EXOC3: variants seen among roughly 807,000 people sequenced by gnomAD.
EXOC3 encodes the protein SEC6-like 1.
Under a neutral mutation model 73.7 loss-of-function variants are expected in EXOC3, and 21 were observed. The observed-to-expected ratio is 0.29, with a 90% CI of 0.20 to 0.41. The LOEUF is 0.41. Ranked by LOEUF, EXOC3 falls within the 10% of genes least tolerant of loss-of-function variation. The pLI is 1.00. For missense variants in EXOC3, 842 were observed against 985.1 expected (o/e 0.85, Z 1.95); for synonymous variants, 410 against 389.1 (o/e 1.05, Z -0.63).
chr5:454,531 T>C (rs1737748456), intron 4 of EXOC3, among the ~76,000 whole-genome samples: 1 of 152,248 alleles, frequency 6.6e-6, no homozygotes, highest in African/African-American at 2.4e-5. Context: ...CAATATCCTA[T>C]AGCAGTGAGT....
rs1579736848 is a variant in EXOC3, at chr5:453,417, C to G, written c.412C>G (p.Leu138Val). Residue 138 changes from leucine to valine, a missense_variant, in exon 4 of 13, where the codon CTC becomes GTC. Transcript: ENST00000512944. ...CCAGGACCTAATTGAACAAGGGGCA[C>G]TCCTGCAAGCCCACCGGAAGCTGAT... Reference protein sequence around the residue: ...ETQDLIEQGALLQAHRKLMDL... With the variant: ...ETQDLIEQGAVLQAHRKLMDL... 6.2e-7 allele frequency: 1 copy of G among 1,602,068 alleles called. No individual in the cohort carries two copies. The highest frequency in any genetic ancestry group is 8.5e-7 in the Non-Finnish European group (1 of 1,174,256).
chr5:458,085 G>A (rs11742785), intron 6 of EXOC3, 60 bp downstream of exon 6: 3 of 1,545,946 alleles, frequency 1.9e-6, no homozygotes, highest in Admixed American at 1.9e-5. Context: ...GGACCTGTAG[G>A]TTTTACAAAG....
chr5:445,386 G>C (rs1737476349), intron 1 of EXOC3, among the ~76,000 whole-genome samples: 1 of 129,782 alleles, frequency 7.7e-6, no homozygotes, highest in Non-Finnish European at 1.5e-5. Context: ...GTCTCGCTCT[G>C]TCGCCCAGGC....
At chr5:465,410 C>T in intron 11 of EXOC3, 138 bp downstream of exon 11, 2 of 1,057,970 alleles carry the variant, frequency 1.9e-6, no homozygotes, top group Admixed American at 2.7e-5. Flanking sequence ...CCAGGTCCTG[C>T]CTGACCTTGT....
Position 453,884 on chromosome 5 carries a change from C to T in EXOC3, c.879C>T (p.Ala293=), listed in dbSNP as rs768179222. ...RKYVLDDLIV[A]KNLMVQCFPP... Reference sequence around the variant, plus strand: ...ACGTCCTGGATGACCTCATTGTCGCCAAAAACCTGATGGTTCAGTGCTTTC... The same window carrying T: ...ACGTCCTGGATGACCTCATTGTCGCTAAAAACCTGATGGTTCAGTGCTTTC... Residue 293 remains alanine, a synonymous_variant, in exon 4 of 13, where the codon GCC becomes GCT. Coordinates refer to ENST00000512944, the MANE Select transcript of EXOC3 (RefSeq NM_007277.5). The T allele has an allele frequency of 6.2e-7, 1 of 1,613,804 alleles. No homozygotes were observed. The highest frequency in any genetic ancestry group is 2.2e-5 in the East Asian group (1 of 44,898).
chr5:464,990 CGAG>C (rs1738097608), intron 10 of EXOC3, 118 bp from the exon 11 acceptor site: 8 of 1,018,736 alleles, frequency 7.9e-6, no homozygotes, highest in East Asian at 2.7e-5. Context: ...CGTGGCGGAG[CGAG>C]GAGGAGTGGG....
chr5:458,155 C>T lies in EXOC3; in HGVS notation c.1290+130C>T, dbSNP rs1737877583. The T allele has an allele frequency of 9.7e-6, 9 of 928,854 alleles. No individual in the cohort carries two copies. In the South Asian group the frequency reaches 1.2e-4, roughly 13 times the overall value. 57.5% of individuals were successfully genotyped at this position (928,854 alleles called of 1,614,324 possible). ...GTAGTAAAAATATTGAGAGCCCTGC[C>T]TGGTGCATCTAAGTCCTCTCCTCTC... On this transcript the variant is annotated intron_variant, in intron 6 of 12. Transcript: ENST00000512944.
chr5:453,722 G>A lies in EXOC3; in HGVS notation c.717G>A (p.Gly239=), dbSNP rs1737721659. 6.2e-7 allele frequency: 1 copy of A among 1,613,936 alleles called. No individual in the cohort carries two copies. The highest frequency in any genetic ancestry group is 1.3e-5 in the African/African-American group (1 of 75,054). The stretch of plus-strand genomic sequence containing the variant: ...AGCAAACTGGCTTTGTTCCTCCTGG[G>A]AGGCCCAAGAATTGGAAGGAGAAAA... ...RKKQTGFVPP[G]RPKNWKEKMF... Residue 239 remains glycine (G), a synonymous_variant, in exon 4 of 13, where the codon GGG becomes GGA. Transcript: ENST00000512944.
chr5:459,040 C>T (rs748043580), intron 6 of EXOC3, among the ~76,000 whole-genome samples: 1 of 152,190 alleles, frequency 6.6e-6, no homozygotes, highest in Non-Finnish European at 1.5e-5. Context: ...GCCTGAGGGG[C>T]GCCATCCCGG....
At chr5:450,898 C>T (rs1417886050) in intron 3 of EXOC3, among the ~76,000 whole-genome samples, 1 of 151,646 alleles carries the variant, frequency 6.6e-6, no homozygotes. Flanking sequence ...CTTTTACTTT[C>T]AACCTATTTG....
At chr5:465,910 C>T (rs1411856788) in intron 12 of EXOC3, 65 bp downstream of exon 12, 2 of 1,527,160 alleles carry the variant, frequency 1.3e-6, no homozygotes, top group African/African-American at 2.7e-5. Context: ...GTCCCTCCTT[C>T]TGTCTGGGGC....
Position 465,128 on chromosome 5 carries a change from G to A in EXOC3, c.1794G>A (p.Ala598=), listed in dbSNP as rs747436996. Residue 598 remains alanine (A), a synonymous_variant, in exon 11 of 13, where the codon GCG becomes GCA. Coordinates refer to ENST00000512944, the MANE Select transcript of EXOC3 (RefSeq NM_007277.5). ...KPYKKRMTAE[A]HRRVVVEYLR... The stretch of plus-strand genomic sequence containing the variant: ...CTCCCCAGAGGATGACGGCCGAGGC[G>A]CACCGGCGCGTGGTGGTGGAGTACC... 10 of 1,586,990 alleles carry A rather than the reference G, an allele frequency of 6.3e-6. No homozygotes were observed. Among genetic ancestry groups the A allele is most frequent in the Non-Finnish European group, 6.8e-6 (8 of 1,168,362 alleles).
chr5:447,676 C>A lies in EXOC3; in HGVS notation c.288C>A (p.Leu96=). 1 of 1,590,478 alleles carries A rather than the reference C, an allele frequency of 6.3e-7. No homozygotes were observed. Among genetic ancestry groups the A allele is most frequent in the Non-Finnish European group, 8.6e-7 (1 of 1,168,298 alleles). Reference sequence around the variant, plus strand: ...AGAGCATCAACACCATTGAGAGCCTCAAGGACGTCAAAGACGCCGTGGTGC... The same window carrying A: ...AGAGCATCAACACCATTGAGAGCCTAAAGGACGTCAAAGACGCCGTGGTGC... The part of the protein sequence containing the change: ...WRQSINTIES[L]KDVKDAVVQH... Residue 96 remains leucine, a synonymous_variant, in exon 3 of 13, where the codon CTC becomes CTA. Coordinates refer to ENST00000512944, the MANE Select transcript of EXOC3 (RefSeq NM_007277.5).
intron 11 of EXOC3, 126 bp downstream of exon 11, chr5:465,398 G>A (rs1261769456): frequency 1.8e-6 from 2 of 1,097,630 alleles, no homozygotes; most frequent in Non-Finnish European, 2.6e-6. Flanking sequence ...GGGAGCCTGG[G>A]TCCAGGTCCT....
At chr5:458,552 C>G (rs192494741) in intron 6 of EXOC3, among the ~76,000 whole-genome samples, 1 of 152,334 alleles carries the variant, frequency 6.6e-6, no homozygotes, top group East Asian at 1.9e-4. Context: ...GGTTAAGGTT[C>G]TAAGTATTAG....
intron 11 of EXOC3, 61 bp downstream of exon 11, chr5:465,333 C>T (rs1386893630): frequency 1.3e-6 from 2 of 1,525,604 alleles, no homozygotes; most frequent in East Asian, 2.4e-5. Context: ...TGTTCAGCCT[C>T]CACCCCGGGA....
At chr5:466,359 G>C in intron 12 of EXOC3, 2 of 263,638 alleles carry the variant, frequency 7.6e-6, no homozygotes, top group South Asian at 1.6e-4. Context: ...CCCTGTCTCA[G>C]GGCACCTGCC....
chr5:447,822 G>A lies in EXOC3; in HGVS notation c.364+70G>A, dbSNP rs780624158. On this transcript the variant is annotated intron_variant, in intron 3 of 12. Coordinates refer to ENST00000512944, the MANE Select transcript of EXOC3 (RefSeq NM_007277.5). ...TTGCATGACTCACTGAGTGCTCTGT[G>A]TGCAGTGTGCTTTGCAGCCCGCACT... 2.1e-4 allele frequency: 236 copies of A among 1,138,920 alleles called. 1 individual carries two copies. The highest frequency in any genetic ancestry group is 2.9e-4 in the Non-Finnish European group (231 of 799,960). 70.6% of individuals were successfully genotyped at this position (1,138,920 alleles called of 1,614,324 possible).
At chr5:458,523 A>C (rs1737889048) in intron 6 of EXOC3, among the ~76,000 whole-genome samples, 1 of 152,180 alleles carries the variant, frequency 6.6e-6, no homozygotes, top group Non-Finnish European at 1.5e-5. Flanking sequence ...TAGCTTTTAA[A>C]GTTGCTTTCC....
Sources: allele counts gnomAD v4.1 joint callset (sites outside exome capture counted in the v4.1 genomes callset), GRCh38; gene constraint gnomAD v4.1.1; transcripts MANE v1.5; gene names NCBI Gene and HGNC (gene_info 2026-07-23, HGNC 2026-07-21).